NCK1: variants seen among roughly 807,000 people sequenced by gnomAD.
NCK1 encodes the protein SH2/SH3 adapter protein NCK1.
A neutral mutation model predicts 36.6 loss-of-function variants in NCK1; 19 were observed. That is an observed-to-expected ratio of 0.52 (90% CI 0.36 to 0.76). NCK1 has a LOEUF of 0.76. NCK1 is among the 30% of genes least tolerant of loss of function. NCK1 has a pLI of 0.00. For missense variants in NCK1, 358 were observed against 445.6 expected (o/e 0.80, Z 1.77); for synonymous variants, 165 against 156.0 (o/e 1.06, Z -0.43).
At chr3:136,909,073 C>T (rs1308762860) in intron 1 of NCK1, among the ~76,000 whole-genome samples, 1 of 152,160 alleles carries the variant, frequency 6.6e-6, no homozygotes, top group Non-Finnish European at 1.5e-5. Context: ...AAGGCCTTCA[C>T]CAGATGCTAG....
At chr3:136,866,330 CAG>C (rs1398262512) in intron 1 of NCK1, among the ~76,000 whole-genome samples, 1 of 147,830 alleles carries the variant, frequency 6.8e-6, no homozygotes, top group Non-Finnish European at 1.5e-5. Context: ...TTTTTTGAGA[CAG>C]AGTCTCGCTC....
chr3:136,903,548 C>T (rs1194290437), intron 1 of NCK1, among the ~76,000 whole-genome samples: 1 of 152,124 alleles, frequency 6.6e-6, no homozygotes, highest in Non-Finnish European at 1.5e-5. Context: ...CCTCAGCTTC[C>T]TGAGTAGCTG....
At chr3:136,922,115 A>T (rs995254922) in intron 1 of NCK1, among the ~76,000 whole-genome samples, 1 of 152,204 alleles carries the variant, frequency 6.6e-6, no homozygotes, top group African/African-American at 2.4e-5. Flanking sequence ...TAGGTGGTCC[A>T]TGTGAGTAGG....
intron 1 of NCK1, among the ~76,000 whole-genome samples, chr3:136,864,761 CTTT>C (rs747974189): frequency 4.6e-4 from 50 of 108,600 alleles, no homozygotes; most frequent in Admixed American, 8.6e-4. Context: ...TTTTTCTTTT[CTTT>C]TTTTTTTTTT....
chr3:136,919,161 A>AT (rs2108119918), intron 1 of NCK1, among the ~76,000 whole-genome samples: 1 of 152,332 alleles, frequency 6.6e-6, no homozygotes, highest in South Asian at 2.1e-4. Context: ...AAATAGATCA[A>AT]TAGTTGTCAC....
At chr3:136,863,471 CACTT>C (rs541407466) in intron 1 of NCK1, among the ~76,000 whole-genome samples, 258 of 152,280 alleles carry the variant, frequency 1.7e-3, no homozygotes, top group Admixed American at 3.2e-3. Context: ...CTTTTTAAAA[CACTT>C]AATTTTCTTG....
Position 136,944,111 on chromosome 3 carries a change from CCTTTTTTTTTTTTTT to C in NCK1, c.227-1471_227-1457del, listed in dbSNP as rs1380301080. On this transcript the variant is annotated intron_variant, in intron 2 of 3. Coordinates refer to ENST00000481752, the MANE Select transcript of NCK1 (RefSeq NM_001291999.2). ...AAAGTCGAGGGAAAAGGAAAAACAA[CCTTTTTTTTTTTTTT>C]TTTTTTTTTTTGAGACAGAGTCTTG... Among the ~76,000 whole-genome samples the C allele has an allele frequency of 2.5e-3, 200 of 80,932 alleles. 9 individuals are homozygous for C. The highest frequency in any genetic ancestry group is 0.011 in the African/African-American group (187 of 17,464). The allele number at this position is 80,932 out of a possible 152,430, so 53.1% of individuals were successfully genotyped here.
At chr3:136,870,161 G>A (rs1391710476) in intron 1 of NCK1, among the ~76,000 whole-genome samples, 1 of 150,906 alleles carries the variant, frequency 6.6e-6, no homozygotes, top group African/African-American at 2.4e-5. Context: ...GGCCAACATG[G>A]TGAAACCCTG....
chr3:136,923,718 C>T (rs1487448148), intron 1 of NCK1, among the ~76,000 whole-genome samples: 1 of 152,012 alleles, frequency 6.6e-6, no homozygotes, highest in African/African-American at 2.4e-5. Flanking sequence ...TTCATATAAA[C>T]AATATTAAAC....
At chr3:136,901,326 C>T (rs1939535675) in intron 1 of NCK1, among the ~76,000 whole-genome samples, 1 of 144,640 alleles carries the variant, frequency 6.9e-6, no homozygotes. Flanking sequence ...ATTTTTATCT[C>T]TGTGTTCATT....
intron 1 of NCK1, among the ~76,000 whole-genome samples, chr3:136,885,174 C>T (rs1192868296): frequency 6.6e-6 from 1 of 152,000 alleles, no homozygotes; most frequent in Admixed American, 6.6e-5. Context: ...AGCAAGGAAA[C>T]AGGAATGGGT....
chr3:136,899,724 G>T, intron 1 of NCK1: 1 of 887,944 alleles, frequency 1.1e-6, no homozygotes, highest in Non-Finnish European at 1.9e-6. Flanking sequence ...CTTACTCACT[G>T]TTTCTGTTCT....
At chr3:136,896,701 A>G (rs570488272) in intron 1 of NCK1, among the ~76,000 whole-genome samples, 9 of 152,116 alleles carry the variant, frequency 5.9e-5, no homozygotes, top group East Asian at 3.9e-4. Flanking sequence ...GGGTCTCACT[A>G]TGTTGCCCAA....
chr3:136,912,168 T>TTC (rs1939843635), intron 1 of NCK1, among the ~76,000 whole-genome samples: 1 of 84,468 alleles, frequency 1.2e-5, no homozygotes, highest in Non-Finnish European at 3.0e-5. Context: ...TTTTCTTTTT[T>TTC]TTTTTTTTTT....
chr3:136,940,724 T>C (rs534184217), intron 2 of NCK1, among the ~76,000 whole-genome samples: 2 of 152,202 alleles, frequency 1.3e-5, no homozygotes, highest in African/African-American at 4.8e-5. Context: ...TTTGTATTTT[T>C]GGTAGAGACG....
chr3:136,946,523 G>T (rs1940831776), intron 3 of NCK1, among the ~76,000 whole-genome samples: 1 of 152,124 alleles, frequency 6.6e-6, no homozygotes, highest in Non-Finnish European at 1.5e-5. Flanking sequence ...ATTTCGTCTT[G>T]TCTAGTTCTG....
intron 1 of NCK1, among the ~76,000 whole-genome samples, chr3:136,864,654 G>T (rs2108059023): frequency 6.6e-6 from 1 of 152,186 alleles, no homozygotes; most frequent in African/African-American, 2.4e-5. Context: ...AAGCAATGTA[G>T]TGATACCCTG....
intron 1 of NCK1, among the ~76,000 whole-genome samples, chr3:136,874,023 T>G (rs1938698457): frequency 6.6e-6 from 1 of 152,202 alleles, no homozygotes; most frequent in Non-Finnish European, 1.5e-5. Context: ...TGAGATTCAT[T>G]TATGATGTAG....
At chr3:136,930,324 T>G in intron 2 of NCK1, 1 of 486,032 alleles carries the variant, frequency 2.1e-6, no homozygotes, top group Non-Finnish European at 3.1e-6. Context: ...GTCTGAATAA[T>G]AAGGTCATAT....
Sources: gnomAD v4.1 joint callset for allele counts (sites outside exome capture counted in the v4.1 genomes callset) on GRCh38, gnomAD v4.1.1 for gene constraint, MANE v1.5 for transcripts, NCBI Gene and HGNC (gene_info 2026-07-23, HGNC 2026-07-21) for gene names.